FLT4: variants seen among roughly 807,000 people sequenced by gnomAD.
The protein encoded by FLT4 is fms related receptor tyrosine kinase 4, also known as vascular endothelial growth factor receptor 3.
In FLT4, 30 loss-of-function variants were observed where a neutral mutation model predicts 163.2. The ratio of observed to expected loss-of-function variants is 0.18; its 90% confidence interval spans 0.14 to 0.25. The LOEUF (loss-of-function observed/expected upper bound fraction) is 0.25. Ranked by LOEUF, FLT4 falls within the 10% of genes least tolerant of loss-of-function variation. FLT4 has a pLI of 1.00. For synonymous variants in FLT4, 884 were observed against 789.5 expected, an observed-to-expected ratio of 1.12 and a Z score of -2.01; for missense variants, 1,510 against 1,863.8, an observed-to-expected ratio of 0.81 and a Z score of 3.50.
At chr5:180,609,545 A>G in intron 28 of FLT4, 1 of 366,988 alleles carries the variant, frequency 2.7e-6, no homozygotes, top group Non-Finnish European at 5.1e-6. Flanking sequence ...TGGAGGCAGG[A>G]ACCCAGGTCC....
Position 180,620,929 on chromosome 5 carries a change from C to G in FLT4, c.2246G>C (p.Ser749Thr), listed in dbSNP as rs1763092464. ...GACGCAGCCCTTGGCGTTGCACACGCTGCACAGATAGCGTCCCGCATCCTC... is the reference window on the plus strand; with the variant it reads ...GACGCAGCCCTTGGCGTTGCACACGGTGCACAGATAGCGTCCCGCATCCTC... ...REEDAGRYLC[S>T]VCNAKGCVNS... Residue 749 changes from serine (S) to threonine (T), a missense_variant, in exon 15 of 30, where the codon AGC becomes ACC. Ser to Thr is a moderately conservative substitution (Grantham distance 58, BLOSUM62 1). Transcript: ENST00000261937. This position sits in a 1 kb window ranked among gnomAD's most constrained non-coding sequence, Gnocchi z 4.4. 2 of 1,610,686 alleles carry G rather than the reference C, an allele frequency of 1.2e-6. No individual in the cohort carries two copies. Among genetic ancestry groups the G allele is most frequent in the Non-Finnish European group, 1.7e-6 (2 of 1,178,920 alleles).
chr5:180,605,223 C>A (rs1038057903), intron 29 of FLT4, among the ~76,000 whole-genome samples: 1 of 152,218 alleles, frequency 6.6e-6, no homozygotes, highest in Non-Finnish European at 1.5e-5. Context: ...CCTCAGCCTC[C>A]CAGTGTGCTG....
Position 180,602,476 on chromosome 5 carries a change from C to T in FLT4, c.*716G>A. 1 of 397,684 alleles carries T rather than the reference C, an allele frequency of 2.5e-6. No individual in the cohort carries two copies. The highest frequency in any genetic ancestry group is 4.4e-6 in the Non-Finnish European group (1 of 225,826). 24.6% of individuals were successfully genotyped at this position (397,684 alleles called of 1,614,324 possible). On this transcript the variant is annotated 3_prime_UTR_variant, in exon 30 of 30. Coordinates refer to ENST00000261937, the MANE Select transcript of FLT4 (RefSeq NM_182925.5). ...CTGAATTCGGAAAGCAAATTCTTCT[C>T]AGCAGCTCTAACAGTCTGTGAAGTT... is the stretch of plus-strand genomic sequence containing the variant.
At position 180,620,336 on chromosome 5, in the gene FLT4, G is replaced by C; in HGVS notation, c.2407-28C>G. On this transcript the variant is annotated intron_variant, in intron 16 of 29. Transcript: ENST00000261937. The surrounding 1 kb of genome is among the most constrained non-coding windows in gnomAD (Gnocchi z 4.4). ...GCGGGGAGGGGACAGGGAGGAGTGG[G>C]GCAGCTCACTGATTTGGCCATACCA... is the stretch of plus-strand genomic sequence containing the variant. 6.2e-7 allele frequency: 1 copy of C among 1,608,364 alleles called. No homozygotes were observed. Among genetic ancestry groups the C allele is most frequent in the African/African-American group, 1.3e-5 (1 of 75,020 alleles).
At chr5:180,617,020 A>G in intron 21 of FLT4, 26 bp from the exon 22 acceptor site, 1 of 1,572,560 alleles carries the variant, frequency 6.4e-7, no homozygotes, top group Non-Finnish European at 8.7e-7. Flanking sequence ...AGGTGGGCTC[A>G]GGAGGCGCCT....
At position 180,621,858 on chromosome 5, in the gene FLT4, T is replaced by C. The variant is rs767165205; in HGVS notation, c.1704A>G (p.Leu568=). Residue 568 remains leucine, a synonymous_variant, in exon 13 of 30, where the codon CTA becomes CTG. Coordinates refer to ENST00000261937, the MANE Select transcript of FLT4 (RefSeq NM_182925.5). ...TCAGGAGCACCGGCTGGCCCTCTAG[T>C]AGCTCCTCGGATGGCTTGGATTCGA... ...FTIESKPSEE[L]LEGQPVLLSC... The C allele has an allele frequency of 2.5e-5, 41 of 1,613,318 alleles. No individual in the cohort carries two copies. Among genetic ancestry groups the C allele is most frequent in the South Asian group, 1.1e-5 (1 of 91,094 alleles).
At chr5:180,614,271 T>C in intron 23 of FLT4, 92 bp from the exon 24 acceptor site, 1 of 761,238 alleles carries the variant, frequency 1.3e-6, no homozygotes. Flanking sequence ...GGGAAGCGTG[T>C]CCTGCGGTGG....
chr5:180,643,688 G>A (rs767377696), intron 1 of FLT4, among the ~76,000 whole-genome samples: 2 of 152,028 alleles, frequency 1.3e-5, no homozygotes, highest in Admixed American at 6.6e-5. Context: ...CCCTAGATCT[G>A]GAACAGCCCC....
chr5:180,618,700 G>GGGTTACCCTA lies in FLT4; in HGVS notation c.3001+69_3001+70insTAGGGTAACC, dbSNP rs3214903. On this transcript the variant is annotated intron_variant, in intron 21 of 29. Coordinates refer to ENST00000261937, the MANE Select transcript of FLT4 (RefSeq NM_182925.5). The stretch of plus-strand genomic sequence containing the variant: ...AAGCCCCCGCTGAGGACCCCAGGCT[G>GGGTTACCCTA]GGGTGCCTGATCACGGGATATAACC... The GGGTTACCCTA allele has an allele frequency of 0.69, 1,045,279 of 1,514,424 alleles. 362,345 individuals are homozygous for GGGTTACCCTA. The highest frequency in any genetic ancestry group is 0.76 in the Admixed American group (38,572 of 50,924). 93.8% of individuals were successfully genotyped at this position (1,514,424 alleles called of 1,614,324 possible).
chr5:180,619,187 C>T, intron 19 of FLT4, 66 bp downstream of exon 19: 2 of 1,310,774 alleles, frequency 1.5e-6, no homozygotes, highest in Non-Finnish European at 2.0e-6. Context: ...TGCACCCGCG[C>T]CCCCTCCCGC....
rs889412781 is a variant in FLT4 at position 180,636,354 on chromosome 5, C to T, written c.59-4576G>A. On this transcript the variant is annotated intron_variant, in intron 1 of 29. Coordinates refer to ENST00000261937, the MANE Select transcript of FLT4 (RefSeq NM_182925.5). The surrounding 1 kb of genome is among the most constrained non-coding windows in gnomAD (Gnocchi z 4.3). ...TATGTGAAGCCTGGCTTTCTGGCCA[C>T]GGCACTGGCCCTGGGCGGTTACTGC... is the stretch of plus-strand genomic sequence containing the variant. 6.6e-5 allele frequency among the ~76,000 whole-genome samples: 10 copies of T among 152,252 alleles called. No individual in the cohort carries two copies. Among genetic ancestry groups the T allele is most frequent in the South Asian group, 6.2e-4 (3 of 4,828 alleles).
intron 13 of FLT4, 135 bp from the exon 14 acceptor site, chr5:180,621,387 C>T: frequency 2.1e-6 from 3 of 1,398,002 alleles, no homozygotes; most frequent in Non-Finnish European, 1.9e-6. Context: ...GAGCGCGGCG[C>T]GCCTCCGCAG....
intron 26 of FLT4, 153 bp downstream of exon 26, chr5:180,612,353 G>A: frequency 1.5e-6 from 1 of 684,218 alleles, no homozygotes; most frequent in Non-Finnish European, 2.7e-6. Flanking sequence ...AGGGTGTGGG[G>A]ACGAGGTGTG....
Position 180,620,531 on chromosome 5 carries a change from CT to C in FLT4, c.2406+77del. ...CTGCCAGGTGAACTAGGGCGGGCAC[CT>C]TATTCTTTATCTTAGGGGCGGCCAG... On this transcript the variant is annotated intron_variant, in intron 16 of 29. Transcript: ENST00000261937. This position sits in a 1 kb window ranked among gnomAD's most constrained non-coding sequence, Gnocchi z 4.4. 1 of 1,298,016 alleles carries C rather than the reference CT, an allele frequency of 7.7e-7. No individual in the cohort carries two copies. The highest frequency in any genetic ancestry group is 1.1e-6 in the Non-Finnish European group (1 of 902,144). 80.4% of individuals were successfully genotyped at this position (1,298,016 alleles called of 1,614,324 possible).
intron 20 of FLT4, 24 bp from the exon 21 acceptor site, chr5:180,618,944 G>C: frequency 1.9e-6 from 3 of 1,564,872 alleles, no homozygotes; most frequent in East Asian, 2.4e-5. Flanking sequence ...AAGCTGGCTC[G>C]AGGGCGCCCA....
intron 13 of FLT4, 134 bp downstream of exon 13, chr5:180,621,408 A>G (rs1763134093): frequency 7.0e-7 from 1 of 1,437,886 alleles, no homozygotes; most frequent in Non-Finnish European, 9.4e-7. Flanking sequence ...GGGGCGGCGG[A>G]TAGTCAGGAG....
intron 25 of FLT4, 141 bp downstream of exon 25, chr5:180,612,870 G>C (rs1407174348): frequency 4.1e-5 from 29 of 707,252 alleles, no homozygotes; most frequent in Non-Finnish European, 6.2e-5. Context: ...CTGTGCTACA[G>C]ACTACCCGTG....
At position 180,623,990 on chromosome 5, in the gene FLT4, A is replaced by G. The variant is rs762704129; in HGVS notation, c.1493T>C (p.Val498Ala). The change falls in exon 11 of 30, where the codon GTG becomes GCG. Residue 498 changes from valine to alanine, a missense_variant. This residue lies in a region of FLT4 where 878 missense variants were observed against 1,016.7 expected (regional missense o/e 0.86). Transcript: ENST00000261937. The surrounding 1 kb of genome is among the most constrained non-coding windows in gnomAD (Gnocchi z 5.8). ...DWRAVTTQDA[V>A]NPIESLDTWT... ...GGTGTCCAGGCTCTCGATGGGGTTC[A>G]CGGCATCCTGCGTGGTCACCGCCCT... 4 of 1,613,306 alleles carry G rather than the reference A, an allele frequency of 2.5e-6. No homozygotes were observed. In the South Asian group the frequency reaches 4.4e-5, roughly 18 times the overall value.
chr5:180,602,935 G>A lies in FLT4; in HGVS notation c.*257C>T, dbSNP rs1170966668. On this transcript the variant is annotated 3_prime_UTR_variant, in exon 30 of 30. Transcript: ENST00000261937. ...CCCGGGACCAGCACCTGCGGATGCTGAACTAAATGACATCTGAATCTCAGG... is the reference window on the plus strand; with the variant it reads ...CCCGGGACCAGCACCTGCGGATGCTAAACTAAATGACATCTGAATCTCAGG... The A allele has an allele frequency of 1.7e-6, 1 of 597,016 alleles. No homozygotes were observed. The highest frequency in any genetic ancestry group is 2.0e-5 in the South Asian group (1 of 50,160). The allele number at this position is 597,016 out of a possible 1,614,324, so 37.0% of individuals were successfully genotyped here.
Sources: allele counts gnomAD v4.1 joint callset (sites outside exome capture counted in the v4.1 genomes callset), GRCh38; gene constraint gnomAD v4.1.1; regional missense constraint gnomAD v4.1.1; non-coding constraint Gnocchi (gnomAD v3.1); transcripts MANE v1.5; gene names NCBI Gene and HGNC (gene_info 2026-07-23, HGNC 2026-07-21).